GNAI1: variants seen among roughly 807,000 people sequenced by gnomAD.
The protein encoded by GNAI1 is guanine nucleotide-binding protein G(i) subunit alpha-1.
Under a neutral mutation model 38.9 loss-of-function variants are expected in GNAI1, and 11 were observed. That is an observed-to-expected ratio of 0.28 (90% CI 0.18 to 0.47). The LOEUF (loss-of-function observed/expected upper bound fraction) is 0.47, where lower values mean the gene tolerates loss of function less well. GNAI1 is among the 20% of genes least tolerant of loss of function. The probability of loss-of-function intolerance (pLI) is 0.99; values close to 1 mark genes in which losing one functional copy is unlikely to be tolerated. For synonymous variants in GNAI1, 166 were observed against 145.1 expected, an observed-to-expected ratio of 1.14 and a Z score of -1.04; for missense variants, 317 against 436.9, an observed-to-expected ratio of 0.73 and a Z score of 2.45.
chr7:80,174,889 A>G (rs568738567), intron 1 of GNAI1, among the ~76,000 whole-genome samples: 1 of 152,318 alleles, frequency 6.6e-6, no homozygotes, highest in South Asian at 2.1e-4. Context: ...TGCACCTGTA[A>G]TAAAAGAAAA....
chr7:80,211,687 G>T (rs2115709053), intron 6 of GNAI1, among the ~76,000 whole-genome samples: 1 of 152,250 alleles, frequency 6.6e-6, no homozygotes, highest in Non-Finnish European at 1.5e-5. Context: ...CCAAAGTGCT[G>T]GGATTACAGG....
chr7:80,181,553 G>T (rs561703793), intron 1 of GNAI1, among the ~76,000 whole-genome samples: 2 of 151,828 alleles, frequency 1.3e-5, no homozygotes, highest in South Asian at 4.2e-4. Context: ...GAAACATTTT[G>T]TCTGTCAGTT....
intron 1 of GNAI1, among the ~76,000 whole-genome samples, chr7:80,137,317 C>CTTTTTTTTTTTTTTTT (rs398005254): frequency 1.7e-4 from 9 of 53,996 alleles, no homozygotes; most frequent in Non-Finnish European, 2.7e-4. Flanking sequence ...CTTTTCTTTT[C>CTTTTTTTTTTTTTTTT]TTTTTTTTTT....
chr7:80,224,664 C>T lies in GNAI1; in HGVS notation c.*7171C>T, dbSNP rs1258120005. 6.6e-6 allele frequency among the ~76,000 whole-genome samples: 1 copy of T among 152,178 alleles called. No homozygotes were observed. The highest frequency in any genetic ancestry group is 2.4e-5 in the African/African-American group (1 of 41,448). On this transcript the variant is annotated 3_prime_UTR_variant, in exon 8 of 8. Transcript: ENST00000649796. ...CAGTGCAGTAAAGAAGTAAAGAGCTCTCTGTGTGTTAACCCTCCATTTCAC... is the reference window on the plus strand; with the variant it reads ...CAGTGCAGTAAAGAAGTAAAGAGCTTTCTGTGTGTTAACCCTCCATTTCAC...
intron 7 of GNAI1, among the ~76,000 whole-genome samples, chr7:80,214,416 C>T (rs906425575): frequency 1.3e-5 from 2 of 151,894 alleles, no homozygotes; most frequent in Non-Finnish European, 2.9e-5. Context: ...TACCAGATTC[C>T]CCAAGTGAAT....
At chr7:80,212,990 G>T (rs868252639) in intron 7 of GNAI1, 121 bp downstream of exon 7, 2 of 644,380 alleles carry the variant, frequency 3.1e-6, no homozygotes, top group Middle Eastern at 2.9e-4. Flanking sequence ...GACCTTTAAG[G>T]GGTATTATTT....
intron 1 of GNAI1, among the ~76,000 whole-genome samples, chr7:80,177,291 A>G (rs1490200948): frequency 2.0e-5 from 3 of 151,842 alleles, no homozygotes; most frequent in Admixed American, 1.3e-4. Context: ...CAGCCTCCCA[A>G]AGTGCTGGGA....
intron 1 of GNAI1, among the ~76,000 whole-genome samples, chr7:80,185,350 A>C (rs899545500): frequency 6.6e-6 from 1 of 152,104 alleles, no homozygotes; most frequent in African/African-American, 2.4e-5. Context: ...CTTAGATTGG[A>C]TCTCTGGTGT....
intron 3 of GNAI1, among the ~76,000 whole-genome samples, chr7:80,192,191 T>G (rs1788493198): frequency 6.6e-6 from 1 of 152,210 alleles, no homozygotes; most frequent in African/African-American, 2.4e-5. Context: ...CGATTCTCAC[T>G]TCTGTGTTTT....
At chr7:80,172,186 G>A (rs1788108111) in intron 1 of GNAI1, among the ~76,000 whole-genome samples, 1 of 152,176 alleles carries the variant, frequency 6.6e-6, no homozygotes, top group Non-Finnish European at 1.5e-5. Flanking sequence ...TATGGCTAGT[G>A]AATAGTTGGA....
intron 1 of GNAI1, among the ~76,000 whole-genome samples, chr7:80,138,055 T>C (rs1787455793): frequency 6.6e-6 from 1 of 152,222 alleles, no homozygotes; most frequent in Admixed American, 6.5e-5. Flanking sequence ...TAAAATCGTT[T>C]CTAGGTAACG....
intron 1 of GNAI1, among the ~76,000 whole-genome samples, chr7:80,142,214 C>T (rs1466540512): frequency 1.3e-5 from 2 of 152,076 alleles, no homozygotes; most frequent in East Asian, 3.9e-4. Flanking sequence ...TAGCAGCACC[C>T]CATTTCCCAT....
chr7:80,183,105 G>T (rs1326948099), intron 1 of GNAI1, among the ~76,000 whole-genome samples: 3 of 152,142 alleles, frequency 2.0e-5, no homozygotes, highest in Non-Finnish European at 4.4e-5. Context: ...GAGTCATAAA[G>T]CTGGCAGAAG....
At position 80,221,631 on chromosome 7, in the gene GNAI1, A is replaced by ATTT. The variant is rs1554354294; in HGVS notation, c.*4140_*4142dup. On this transcript the variant is annotated 3_prime_UTR_variant, in exon 8 of 8. Transcript: ENST00000649796. ...TTTATATTTTAATGTTAGGTTGGAAATTTTCTTTTTTTTTTTTTTTTTTTT... is the reference window on the plus strand; with the variant it reads ...TTTATATTTTAATGTTAGGTTGGAAATTTTTTTCTTTTTTTTTTTTTTTTTTTT... 1.3e-5 allele frequency among the ~76,000 whole-genome samples: 1 copy of ATTT among 78,456 alleles called. No individual in the cohort carries two copies. The highest frequency in any genetic ancestry group is 2.7e-5 in the Non-Finnish European group (1 of 36,376). The allele number at this position is 78,456 out of a possible 152,430, so 51.5% of individuals were successfully genotyped here. A position where few individuals can be genotyped will look rare whatever the true frequency, so the allele number is the denominator to read the frequency against.
In GNAI1 at chr7:80,203,930, G is replaced by A. The variant is rs1788730463; in HGVS notation, c.590+98G>A. 7.2e-6 allele frequency: 5 copies of A among 692,486 alleles called. No homozygotes were observed. In the South Asian group the frequency reaches 1.4e-4, roughly 20 times the overall value. 42.9% of individuals were successfully genotyped at this position (692,486 alleles called of 1,614,324 possible). ...AAAAGTTTACAACATTTTTACAGTT[G>A]GAAATTACAGTTGGAAAAAAACTTT... On this transcript the variant is annotated intron_variant, in intron 5 of 7. Transcript: ENST00000649796.
At chr7:80,196,460 A>T (rs1462094031) in intron 3 of GNAI1, among the ~76,000 whole-genome samples, 2 of 151,948 alleles carry the variant, frequency 1.3e-5, no homozygotes, top group Non-Finnish European at 2.9e-5. Flanking sequence ...ATATTTATAG[A>T]TGTTAAGTAA....
rs932172267 is a variant in GNAI1 at position 80,220,263 on chromosome 7, A to T, written c.*2770A>T. Among the ~76,000 whole-genome samples, 11 of 152,232 alleles carry T rather than the reference A, an allele frequency of 7.2e-5. No homozygotes were observed. The highest frequency in any genetic ancestry group is 5.9e-5 in the Non-Finnish European group (4 of 68,046). On this transcript the variant is annotated 3_prime_UTR_variant, in exon 8 of 8. Coordinates refer to ENST00000649796, the MANE Select transcript of GNAI1 (RefSeq NM_002069.6). ...TTACTACATGTGATATGCTTAGAGC[A>T]GTGCCTACAATGTGGGAAGTGTTCA...
intron 1 of GNAI1, among the ~76,000 whole-genome samples, chr7:80,138,387 A>T (rs564805797): frequency 6.6e-6 from 1 of 152,316 alleles, no homozygotes. Flanking sequence ...ATTGACACTA[A>T]GGAAATCAGG....
intron 1 of GNAI1, among the ~76,000 whole-genome samples, chr7:80,188,586 A>G (rs574845578): frequency 1.3e-5 from 2 of 152,344 alleles, no homozygotes; most frequent in South Asian, 2.1e-4. Context: ...ATTACAAAAT[A>G]TATGTATCAA....
Sources: gnomAD v4.1 joint callset for allele counts (sites outside exome capture counted in the v4.1 genomes callset) on GRCh38, gnomAD v4.1.1 for gene constraint, MANE v1.5 for transcripts, NCBI Gene and HGNC (gene_info 2026-07-23, HGNC 2026-07-21) for gene names.